Variants in SNX29 observed in about 807,000 individuals in gnomAD.
SNX29 encodes sorting nexin 29, also known as sorting nexin-29.
Under a neutral mutation model 102.1 loss-of-function variants are expected in SNX29, and 78 were observed. The observed-to-expected ratio is 0.76, with a 90% CI of 0.64 to 0.92. The LOEUF (loss-of-function observed/expected upper bound fraction) is 0.92. Ranked by LOEUF, SNX29 falls within the 40% of genes least tolerant of loss-of-function variation. The pLI, the probability that SNX29 is intolerant of heterozygous loss-of-function variation, is 0.00. For synonymous variants in SNX29, 580 were observed against 414.5 expected (o/e 1.40, Z -4.85); for missense variants, 1,280 against 1,061.7 (o/e 1.21, Z -2.86).
At chr16:12,437,603 G>A (rs951288008) in intron 18 of SNX29, among the ~76,000 whole-genome samples, 1 of 152,172 alleles carries the variant, frequency 6.6e-6, no homozygotes, top group African/African-American at 2.4e-5. Context: ...TAGCTGTTCT[G>A]AGTCCTTTCC....
chr16:12,250,586 G>A (rs959434682), intron 14 of SNX29, among the ~76,000 whole-genome samples: 3 of 152,218 alleles, frequency 2.0e-5, no homozygotes, highest in Non-Finnish European at 4.4e-5. Flanking sequence ...TGCAGAGCTT[G>A]ATGCAGTCCT....
At chr16:12,485,273 A>G (rs1296360518) in intron 19 of SNX29, among the ~76,000 whole-genome samples, 1 of 152,202 alleles carries the variant, frequency 6.6e-6, no homozygotes, top group Non-Finnish European at 1.5e-5. Flanking sequence ...GGGCTTTAGC[A>G]GCATGAGGGC....
At chr16:12,215,445 G>A (rs1293102043) in intron 14 of SNX29, among the ~76,000 whole-genome samples, 1 of 152,158 alleles carries the variant, frequency 6.6e-6, no homozygotes, top group African/African-American at 2.4e-5. Flanking sequence ...GCTGGGGAGT[G>A]GCAGGGCCTG....
chr16:12,102,545 G>C (rs1055105831), intron 11 of SNX29, among the ~76,000 whole-genome samples: 2 of 152,028 alleles, frequency 1.3e-5, no homozygotes, highest in African/African-American at 4.8e-5. Flanking sequence ...TCATATGTTT[G>C]TTGGCCACAT....
intron 10 of SNX29, among the ~76,000 whole-genome samples, chr16:12,077,337 C>A (rs1015561858): frequency 6.6e-6 from 1 of 151,532 alleles, no homozygotes; most frequent in East Asian, 1.9e-4. Flanking sequence ...AGTCTTAACC[C>A]TCAACTTCAT....
intron 5 of SNX29, among the ~76,000 whole-genome samples, 199 bp from the exon 6 acceptor site, chr16:12,046,185 G>A (rs62037735): frequency 0.39 from 59,674 of 151,974 alleles, 12,369 homozygotes; most frequent in Middle Eastern, 0.51. Flanking sequence ...GGGGACCAGT[G>A]AGGAAGTTGT....
intron 5 of SNX29, among the ~76,000 whole-genome samples, chr16:12,046,138 A>G (rs1166639682): frequency 1.3e-5 from 2 of 152,164 alleles, no homozygotes; most frequent in Non-Finnish European, 2.9e-5. Flanking sequence ...TTGACATATC[A>G]TGTCTATTTT....
chr16:12,368,450 C>T (rs895435845), intron 16 of SNX29, among the ~76,000 whole-genome samples: 5 of 152,244 alleles, frequency 3.3e-5, no homozygotes, highest in African/African-American at 1.2e-4. Context: ...CTTACATCGC[C>T]TGTCGGTCAC....
intron 11 of SNX29, among the ~76,000 whole-genome samples, chr16:12,118,020 A>ACGGGAGG (rs1290926613): frequency 6.6e-6 from 1 of 151,872 alleles, no homozygotes. Context: ...TTGCTTCAAC[A>ACGGGAGG]CGGGAGGCGG....
intron 13 of SNX29, among the ~76,000 whole-genome samples, chr16:12,155,844 C>G (rs1440675163): frequency 6.6e-6 from 1 of 152,154 alleles, no homozygotes; most frequent in Non-Finnish European, 1.5e-5. Flanking sequence ...AGGAAGGGTC[C>G]CATGCTAGAG....
intron 19 of SNX29, among the ~76,000 whole-genome samples, chr16:12,499,411 T>C (rs1205060386): frequency 6.6e-6 from 1 of 152,206 alleles, no homozygotes; most frequent in Non-Finnish European, 1.5e-5. Context: ...GGGCAAGACA[T>C]AGCTGCATCT....
chr16:12,446,460 A>T (rs1178934347), intron 18 of SNX29, among the ~76,000 whole-genome samples: 1 of 152,242 alleles, frequency 6.6e-6, no homozygotes, highest in Non-Finnish European at 1.5e-5. Context: ...GGGATATTTA[A>T]TGTAGTAACT....
intron 20 of SNX29, among the ~76,000 whole-genome samples, chr16:12,538,896 A>T (rs922636259): frequency 6.9e-6 from 1 of 144,400 alleles, no homozygotes; most frequent in Admixed American, 7.0e-5. Context: ...TGCACAGATT[A>T]ATGACCTGTT....
intron 4 of SNX29, among the ~76,000 whole-genome samples, chr16:12,031,006 G>A (rs2057326580): frequency 6.6e-6 from 1 of 152,108 alleles, no homozygotes; most frequent in African/African-American, 2.4e-5. Flanking sequence ...CCTGTGTGGG[G>A]CAGGGCCTTC....
chr16:12,148,040 A>G (rs1483436149), intron 13 of SNX29, among the ~76,000 whole-genome samples: 1 of 152,246 alleles, frequency 6.6e-6, no homozygotes, highest in Non-Finnish European at 1.5e-5. Flanking sequence ...GGTGCCAAAC[A>G]TAGCCGAAGC....
intron 20 of SNX29, among the ~76,000 whole-genome samples, chr16:12,538,908 T>C (rs942111440): frequency 6.7e-6 from 1 of 149,002 alleles, no homozygotes; most frequent in Non-Finnish European, 1.5e-5. Flanking sequence ...TGACCTGTTC[T>C]AAGTGGGAGA....
intron 20 of SNX29, among the ~76,000 whole-genome samples, chr16:12,537,205 G>C (rs1192902279): frequency 6.6e-6 from 1 of 152,178 alleles, no homozygotes; most frequent in Non-Finnish European, 1.5e-5. Context: ...CTAAATTGCT[G>C]AGCTTAGAGA....
At chr16:12,162,309 A>G (rs1800760100) in intron 13 of SNX29, among the ~76,000 whole-genome samples, 2 of 152,278 alleles carry the variant, frequency 1.3e-5, no homozygotes, top group Admixed American at 6.5e-5. Flanking sequence ...TTTTCTTTAT[A>G]TCACTTTGAC....
Position 12,165,800 on chromosome 16 carries a change from C to T in SNX29, c.1596-33801C>T, listed in dbSNP as rs138815435. 2.4e-3 allele frequency among the ~76,000 whole-genome samples: 369 copies of T among 152,328 alleles called. 1 individual carries two copies. Among genetic ancestry groups the T allele is most frequent in the African/African-American group, 8.5e-3 (353 of 41,584 alleles). On this transcript the variant is annotated intron_variant, in intron 13 of 20. Coordinates refer to ENST00000566228, the MANE Select transcript of SNX29 (RefSeq NM_032167.5). The stretch of plus-strand genomic sequence containing the variant: ...GTTGGTCTCGAACTCCTGGCCTCAA[C>T]TGATCCACCTGCCTCGGCCTCCCAA...
Sources: gnomAD v4.1 joint callset for allele counts (sites outside exome capture counted in the v4.1 genomes callset) on GRCh38, gnomAD v4.1.1 for gene constraint, MANE v1.5 for transcripts, NCBI Gene and HGNC (gene_info 2026-07-23, HGNC 2026-07-21) for gene names.